The following NAALADL2 variants were observed in gnomAD, a reference collection of about 807,000 sequenced individuals.
NAALADL2 encodes inactive N-acetylated-alpha-linked acidic dipeptidase-like protein 2.
NAALADL2 carries 76 observed loss-of-function variants against 87.2 expected under a neutral mutation model. The ratio of observed to expected loss-of-function variants is 0.87; its 90% confidence interval spans 0.72 to 1.05. The LOEUF is 1.05. Ranked by LOEUF, NAALADL2 falls within the 50% of genes least tolerant of loss-of-function variation. The probability of loss-of-function intolerance (pLI) is 0.00; values close to 1 mark genes in which losing one functional copy is unlikely to be tolerated. For synonymous variants in NAALADL2, 354 were observed against 331.0 expected (o/e 1.07, Z -0.75); for missense variants, 1,089 against 945.8 (o/e 1.15, Z -1.99).
intron 10 of NAALADL2, among the ~76,000 whole-genome samples, chr3:175,594,181 A>G (rs946495728): frequency 2.6e-5 from 4 of 152,006 alleles, no homozygotes; most frequent in South Asian, 4.2e-4. Flanking sequence ...CTCAGTGTCT[A>G]TTGTTCCCAT....
At chr3:175,454,051 T>G (rs1721969375) in intron 6 of NAALADL2, among the ~76,000 whole-genome samples, 1 of 152,090 alleles carries the variant, frequency 6.6e-6, no homozygotes, top group Admixed American at 6.6e-5. Context: ...ATGCTACGTA[T>G]TTTTTGCTTT....
intron 5 of NAALADL2, among the ~76,000 whole-genome samples, chr3:175,355,022 A>ATGTG (rs3067322): frequency 0.034 from 4,751 of 139,348 alleles, 222 homozygotes; most frequent in African/African-American, 0.1. Context: ...CTATATATAT[A>ATGTG]TGTGTGTGTG....
At chr3:175,317,084 T>C (rs1294272972) in intron 4 of NAALADL2, among the ~76,000 whole-genome samples, 4 of 152,100 alleles carry the variant, frequency 2.6e-5, no homozygotes, top group Admixed American at 6.6e-5. Flanking sequence ...TAGCCAAAAA[T>C]AGTATATGAT....
chr3:174,990,467 T>G (rs1226067943), intron 1 of NAALADL2, among the ~76,000 whole-genome samples: 2 of 152,038 alleles, frequency 1.3e-5, no homozygotes, highest in African/African-American at 4.8e-5. Flanking sequence ...TCCAAAAATA[T>G]TAGATATAGT....
At chr3:175,284,360 T>G (rs1299386282) in intron 4 of NAALADL2, among the ~76,000 whole-genome samples, 1 of 152,040 alleles carries the variant, frequency 6.6e-6, no homozygotes, top group Non-Finnish European at 1.5e-5. Context: ...ACTGAATTTT[T>G]GGGGTATCTT....
rs114689154 is a variant in NAALADL2, at chr3:175,433,914, T to C, written c.1091-13315T>C. On this transcript the variant is annotated intron_variant, in intron 5 of 13. Transcript: ENST00000454872. ...TCAATGATGAAATGATGAATCTGTG[T>C]CTCATTAACCAAGGGAATTTTTCCC... 6.5e-3 allele frequency among the ~76,000 whole-genome samples: 991 copies of C among 152,096 alleles called. 13 individuals carry two copies. Among genetic ancestry groups the C allele is most frequent in the African/African-American group, 0.023 (959 of 41,510 alleles).
intron 13 of NAALADL2, 88 bp from the exon 14 acceptor site, chr3:175,802,917 C>T: frequency 3.8e-6 from 3 of 794,340 alleles, no homozygotes; most frequent in Admixed American, 2.8e-5. Context: ...TTGAAAACAT[C>T]ACTGACTCTT....
chr3:175,486,047 T>G (rs2149331818), intron 9 of NAALADL2, among the ~76,000 whole-genome samples: 1 of 152,246 alleles, frequency 6.6e-6, no homozygotes, highest in African/African-American at 2.4e-5. Context: ...TACACATTGG[T>G]TGCTCAATCT....
chr3:175,770,222 T>C (rs1749308162), intron 13 of NAALADL2, among the ~76,000 whole-genome samples: 1 of 152,172 alleles, frequency 6.6e-6, no homozygotes, highest in East Asian at 1.9e-4. Context: ...GATTAATTTG[T>C]AACATTTCAG....
At chr3:175,113,903 G>T (rs1419893509) in intron 2 of NAALADL2, among the ~76,000 whole-genome samples, 1 of 151,638 alleles carries the variant, frequency 6.6e-6, no homozygotes, top group Non-Finnish European at 1.5e-5. Flanking sequence ...TACATACACA[G>T]TCTTGGAAAG....
At chr3:174,764,845 A>G (rs962607001) in intron 3 of NAALADL2, among the ~76,000 whole-genome samples, 1 of 152,164 alleles carries the variant, frequency 6.6e-6, no homozygotes, top group African/African-American at 2.4e-5. Context: ...AAACAGAAGT[A>G]GAAGAGAGGT....
intron 1 of NAALADL2, among the ~76,000 whole-genome samples, chr3:174,515,705 C>T (rs1407375432): frequency 6.6e-6 from 1 of 151,086 alleles, no homozygotes; most frequent in Non-Finnish European, 1.5e-5. Flanking sequence ...AAAAAAACCC[C>T]TTAAAGGCTG....
chr3:174,836,663 C>T (rs1029526245), intron 3 of NAALADL2, among the ~76,000 whole-genome samples: 3 of 139,156 alleles, frequency 2.2e-5, no homozygotes, highest in African/African-American at 2.7e-5. Flanking sequence ...GAGCCGAAAT[C>T]GCGCCACAGC....
intron 5 of NAALADL2, among the ~76,000 whole-genome samples, chr3:175,360,804 A>G (rs1395487227): frequency 7.2e-6 from 1 of 138,852 alleles, no homozygotes; most frequent in Admixed American, 7.5e-5. Context: ...GCTGAGTAAT[A>G]TTCCACTGTG....
intron 1 of NAALADL2, among the ~76,000 whole-genome samples, chr3:175,057,231 A>C (rs1319426365): frequency 6.6e-6 from 1 of 152,164 alleles, no homozygotes; most frequent in Non-Finnish European, 1.5e-5. Flanking sequence ...AACTACGAAC[A>C]TGGTAGGGCT....
At chr3:175,043,392 C>T (rs560730135) in intron 1 of NAALADL2, among the ~76,000 whole-genome samples, 63 of 152,130 alleles carry the variant, frequency 4.1e-4, no homozygotes, top group African/African-American at 1.3e-3. Context: ...GCACGCGCCA[C>T]GATGCCTGGC....
At chr3:175,103,328 C>T (rs1458504126) in intron 2 of NAALADL2, among the ~76,000 whole-genome samples, 5 of 152,044 alleles carry the variant, frequency 3.3e-5, no homozygotes, top group Non-Finnish European at 7.4e-5. Context: ...TCTCCTCTTC[C>T]TCCTCCATTA....
chr3:175,019,679 C>G (rs1253134463), intron 1 of NAALADL2, among the ~76,000 whole-genome samples: 1 of 152,026 alleles, frequency 6.6e-6, no homozygotes, highest in Admixed American at 6.6e-5. Flanking sequence ...CTTTTCCCCT[C>G]TGGAATGCCG....
intron 3 of NAALADL2, among the ~76,000 whole-genome samples, chr3:174,778,587 T>A (rs1048156399): frequency 1.3e-5 from 2 of 152,020 alleles, no homozygotes; most frequent in Non-Finnish European, 2.9e-5. Flanking sequence ...CATAAACCTG[T>A]CATCTACATT....
Sources: allele counts gnomAD v4.1 joint callset (sites outside exome capture counted in the v4.1 genomes callset), GRCh38; gene constraint gnomAD v4.1.1; transcripts MANE v1.5; gene names NCBI Gene and HGNC (gene_info 2026-07-23, HGNC 2026-07-21).